Variants in CHSY3 observed in about 807,000 individuals in gnomAD.
CHSY3 encodes chondroitin sulfate synthase 3.
In CHSY3, 35 loss-of-function variants were observed where a neutral mutation model predicts 67.2. That is an observed-to-expected ratio of 0.52 (90% confidence interval 0.40 to 0.69). The LOEUF is 0.69. CHSY3 is among the 30% of genes least tolerant of loss of function. The pLI, the probability that CHSY3 is intolerant of heterozygous loss-of-function variation, is 0.00. For synonymous variants in CHSY3, 474 were observed against 434.7 expected (o/e 1.09, Z -1.12); for missense variants, 1,069 against 1,138.5 (o/e 0.94, Z 0.88).
intron 2 of CHSY3, among the ~76,000 whole-genome samples, chr5:130,180,886 A>G (rs1044513745): frequency 6.6e-6 from 1 of 152,186 alleles, no homozygotes; most frequent in African/African-American, 2.4e-5. Flanking sequence ...TCATTTATAT[A>G]GCTATGATCA....
chr5:130,178,227 T>TTTTATA (rs1229158340), intron 2 of CHSY3, among the ~76,000 whole-genome samples: 1 of 65,822 alleles, frequency 1.5e-5, no homozygotes, highest in African/African-American at 6.6e-5. Context: ...ATATTTATAT[T>TTTTATA]TATATATATA....
At chr5:130,042,039 A>C (rs978442920) in intron 2 of CHSY3, among the ~76,000 whole-genome samples, 1 of 152,088 alleles carries the variant, frequency 6.6e-6, no homozygotes, top group Non-Finnish European at 1.5e-5. Context: ...GTTCAAGACC[A>C]GCCTGGGCAA....
chr5:130,159,626 G>GCATCC (rs1769471985), intron 2 of CHSY3, among the ~76,000 whole-genome samples: 1 of 152,064 alleles, frequency 6.6e-6, no homozygotes, highest in African/African-American at 2.4e-5. Context: ...GTAAAAGTTT[G>GCATCC]AATGCAATAT....
chr5:129,970,988 G>C (rs1490956484), intron 2 of CHSY3, among the ~76,000 whole-genome samples: 5 of 151,746 alleles, frequency 3.3e-5, no homozygotes, highest in African/African-American at 1.2e-4. Context: ...TGATATTAAG[G>C]CTTATTATAG....
chr5:130,128,330 T>G (rs62393187), intron 2 of CHSY3, among the ~76,000 whole-genome samples: 1 of 151,564 alleles, frequency 6.6e-6, no homozygotes, highest in African/African-American at 2.4e-5. Context: ...AAATAATGAA[T>G]AGTATACAGC....
intron 2 of CHSY3, among the ~76,000 whole-genome samples, chr5:130,032,931 A>G (rs1484129636): frequency 6.6e-6 from 1 of 152,156 alleles, no homozygotes; most frequent in Non-Finnish European, 1.5e-5. Flanking sequence ...CAGAATGCAC[A>G]TTAGACAAGT....
chr5:129,929,892 A>T (rs1761240171), intron 2 of CHSY3, among the ~76,000 whole-genome samples: 1 of 152,170 alleles, frequency 6.6e-6, no homozygotes, highest in South Asian at 2.1e-4. Flanking sequence ...ATAGAATATG[A>T]AAATGATGAT....
At chr5:130,053,833 A>G (rs1167962145) in intron 2 of CHSY3, among the ~76,000 whole-genome samples, 2 of 152,074 alleles carry the variant, frequency 1.3e-5, no homozygotes, top group African/African-American at 4.8e-5. Context: ...TTTTAGGTGT[A>G]TTTTTCGTTA....
At chr5:130,088,854 C>T (rs1055533725) in intron 2 of CHSY3, among the ~76,000 whole-genome samples, 4 of 152,066 alleles carry the variant, frequency 2.6e-5, no homozygotes, top group Admixed American at 2.6e-4. Flanking sequence ...CCATTTGACC[C>T]AGCCATCCCA....
chr5:130,106,477 G>C lies in CHSY3; in HGVS notation c.1087-77752G>C, dbSNP rs146103733. ...TACAGCAGAGAATAAAATAGATCAA[G>C]TCTTTGCCTTTTAAACCAGCTTTTA... On this transcript the variant is annotated intron_variant, in intron 2 of 2. Coordinates refer to ENST00000305031, the MANE Select transcript of CHSY3 (RefSeq NM_175856.5). Among the ~76,000 whole-genome samples the C allele has an allele frequency of 1.1e-4, 16 of 151,686 alleles. No homozygotes were observed. In the East Asian group the frequency reaches 3.1e-3, roughly 29 times the overall value.
intron 2 of CHSY3, among the ~76,000 whole-genome samples, chr5:130,083,279 TTCTCAATTCA>T (rs1168334899): frequency 6.6e-6 from 1 of 152,074 alleles, no homozygotes; most frequent in Non-Finnish European, 1.5e-5. Flanking sequence ...GCTAATTCAT[TTCTCAATTCA>T]TCTTCCTACG....
chr5:129,923,718 A>G (rs1012469764), intron 2 of CHSY3, among the ~76,000 whole-genome samples: 51 of 152,192 alleles, frequency 3.4e-4, no homozygotes, highest in African/African-American at 1.2e-3. Flanking sequence ...GGCAGAAGGC[A>G]AGGGAAACTA....
intron 2 of CHSY3, among the ~76,000 whole-genome samples, chr5:129,930,244 A>G (rs1458854203): frequency 6.6e-6 from 1 of 151,778 alleles, no homozygotes; most frequent in African/African-American, 2.4e-5. Context: ...GAGGCAAGAG[A>G]ATCATTTGCA....
At chr5:130,150,137 T>C (rs1476813295) in intron 2 of CHSY3, among the ~76,000 whole-genome samples, 2 of 152,304 alleles carry the variant, frequency 1.3e-5, no homozygotes, top group Admixed American at 6.5e-5. Flanking sequence ...TGAAAAATTA[T>C]TAGAAAGTTT....
At chr5:130,041,363 G>C (rs1765002826) in intron 2 of CHSY3, among the ~76,000 whole-genome samples, 1 of 152,086 alleles carries the variant, frequency 6.6e-6, no homozygotes, top group Admixed American at 6.6e-5. Flanking sequence ...TGCTAACTCA[G>C]TAAGACATGT....
In CHSY3 at chr5:130,184,416, A is replaced by G; in HGVS notation, c.1274A>G (p.His425Arg). The G allele has an allele frequency of 6.2e-7, 1 of 1,612,130 alleles. No homozygotes were observed. The highest frequency in any genetic ancestry group is 1.3e-5 in the African/African-American group (1 of 74,992). Residue 425 changes from histidine (H) to arginine (R), a missense_variant, in exon 3 of 3, where the codon CAC becomes CGC. Physicochemically the swap from His to Arg is conservative, Grantham distance 29. Transcript: ENST00000305031. ...CTTCGCTACCGCACCATCCAGCTCC[A>G]CAGGGAAAGTGCCCTGATGAGCAAG... is the stretch of plus-strand genomic sequence containing the variant. Reference protein sequence around the residue: ...SELRYRTIQLHRESALMSKLS... With the variant: ...SELRYRTIQLRRESALMSKLS...
At chr5:129,932,128 A>G (rs956577049) in intron 2 of CHSY3, among the ~76,000 whole-genome samples, 2 of 131,544 alleles carry the variant, frequency 1.5e-5, no homozygotes, top group African/African-American at 2.8e-5. Context: ...ATATATATAT[A>G]TATATATATA....
chr5:129,940,446 T>A (rs1252841083), intron 2 of CHSY3, among the ~76,000 whole-genome samples: 1 of 152,176 alleles, frequency 6.6e-6, no homozygotes, highest in Non-Finnish European at 1.5e-5. Flanking sequence ...GTACAAGTAT[T>A]GTTTTTAGGA....
chr5:130,029,043 A>T (rs1764637446), intron 2 of CHSY3, among the ~76,000 whole-genome samples: 1 of 151,402 alleles, frequency 6.6e-6, no homozygotes, highest in African/African-American at 2.4e-5. Context: ...TGTGTGTTGG[A>T]TATGATTCTT....
Sources: gnomAD v4.1 joint callset for allele counts (sites outside exome capture counted in the v4.1 genomes callset) on GRCh38, gnomAD v4.1.1 for gene constraint, MANE v1.5 for transcripts, NCBI Gene and HGNC (gene_info 2026-07-23, HGNC 2026-07-21) for gene names.